The following ZHX2 variants were observed in gnomAD, a reference collection of about 807,000 sequenced individuals.
ZHX2 encodes the protein zinc fingers and homeoboxes protein 2.
Under a neutral mutation model 21.9 loss-of-function variants are expected in ZHX2, and 6 were observed. The observed-to-expected ratio is 0.27, with a 90% CI of 0.15 to 0.54. The LOEUF (loss-of-function observed/expected upper bound fraction) is 0.54, where lower values mean the gene tolerates loss of function less well. Ranked by LOEUF, ZHX2 falls within the 20% of genes least tolerant of loss-of-function variation. The probability of loss-of-function intolerance (pLI) is 0.95; values close to 1 mark genes in which losing one functional copy is unlikely to be tolerated. For missense variants in ZHX2, 908 were observed against 1,090.7 expected, an observed-to-expected ratio of 0.83 and a Z score of 2.36; for synonymous variants, 434 against 437.1, an observed-to-expected ratio of 0.99 and a Z score of 0.09.
intron 2 of ZHX2, among the ~76,000 whole-genome samples, chr8:122,888,728 C>T (rs935653608): frequency 2.6e-5 from 4 of 152,188 alleles, no homozygotes; most frequent in African/African-American, 9.7e-5. Context: ...GGTAATCTGC[C>T]CTCCTCGGCC....
chr8:122,954,421 C>T lies in ZHX2; in HGVS notation c.*4+393C>T, dbSNP rs564195809. On this transcript the variant is annotated intron_variant, in intron 3 of 3. Transcript: ENST00000314393. ...CTCCTGGGCCCAAGCGATCCTCCCC[C>T]CTCAGCTTATCAAGTAGCTGGGACT... is the stretch of plus-strand genomic sequence containing the variant. Among the ~76,000 whole-genome samples, 9 of 152,262 alleles carry T rather than the reference C, an allele frequency of 5.9e-5. No individual in the cohort carries two copies. In the South Asian group the frequency reaches 1.7e-3, roughly 28 times the overall value.
In ZHX2 at chr8:122,952,686, C is replaced by A. The variant is rs759167502; in HGVS notation, c.1176C>A (p.Pro392=). 8.1e-6 allele frequency: 13 copies of A among 1,614,030 alleles called. No individual in the cohort carries two copies. The African/African-American group carries it at 1.7e-4, about 22-fold the overall frequency. Residue 392 remains proline, a synonymous_variant, in exon 3 of 4, where the codon CCC becomes CCA. Coordinates refer to ENST00000314393, the MANE Select transcript of ZHX2 (RefSeq NM_014943.5). This position sits in a 1 kb window ranked among gnomAD's most constrained non-coding sequence, Gnocchi z 6.9. The part of the protein sequence containing the change: ...TSGSTTVSCS[P]ITLAVAGVTN... The stretch of plus-strand genomic sequence containing the variant: ...GGTCAACAACCGTCTCTTGCTCCCC[C>A]ATCACACTTGCCGTGGCAGGAGTCA...
At chr8:122,917,780 T>C (rs1056873714) in intron 2 of ZHX2, among the ~76,000 whole-genome samples, 9 of 152,200 alleles carry the variant, frequency 5.9e-5, no homozygotes, top group African/African-American at 2.2e-4. Context: ...AAATTCCAAA[T>C]GTGCCGTGAC....
At chr8:122,818,480 C>T (rs936959008) in intron 1 of ZHX2, among the ~76,000 whole-genome samples, 7 of 151,924 alleles carry the variant, frequency 4.6e-5, no homozygotes, top group Non-Finnish European at 7.4e-5. Context: ...ATGCTGGACC[C>T]GCTCCCTCCT....
At chr8:122,836,343 A>T (rs761691180) in intron 1 of ZHX2, among the ~76,000 whole-genome samples, 50 of 152,200 alleles carry the variant, frequency 3.3e-4, no homozygotes, top group Non-Finnish European at 6.3e-4. Flanking sequence ...ACAGAGAGGC[A>T]ACTGGAGGCT....
intron 2 of ZHX2, among the ~76,000 whole-genome samples, chr8:122,928,060 C>A (rs9792161): frequency 6.6e-6 from 1 of 151,892 alleles, no homozygotes; most frequent in Non-Finnish European, 1.5e-5. Flanking sequence ...GGCCCTAGGA[C>A]GCTTGCACTA....
intron 3 of ZHX2, among the ~76,000 whole-genome samples, chr8:122,955,839 A>ATTTTTTTTTTTTTTTTTTTTTTTTTT: frequency 9.5e-6 from 1 of 104,924 alleles, no homozygotes; most frequent in Non-Finnish European, 1.8e-5. Flanking sequence ...TGAGGGAGTG[A>ATTTTTTTTTTTTTTTTTTTTTTTTTT]TTTTTTTTTT....
chr8:122,924,931 C>T (rs971242010), intron 2 of ZHX2, among the ~76,000 whole-genome samples: 9 of 152,138 alleles, frequency 5.9e-5, no homozygotes. Context: ...GGAGAATTCA[C>T]AGGTCTCTCC....
intron 2 of ZHX2, among the ~76,000 whole-genome samples, chr8:122,884,951 T>C (rs1819804781): frequency 6.6e-6 from 1 of 152,164 alleles, no homozygotes; most frequent in Non-Finnish European, 1.5e-5. Context: ...CGGGGAGTGA[T>C]GTGATCTGAT....
chr8:122,946,366 T>C (rs571363483), intron 2 of ZHX2, among the ~76,000 whole-genome samples: 3 of 152,280 alleles, frequency 2.0e-5, no homozygotes, highest in Non-Finnish European at 2.9e-5. Context: ...AGAACCCTAA[T>C]AGATTCTCAA....
chr8:122,932,253 C>T (rs796684186), intron 2 of ZHX2, among the ~76,000 whole-genome samples: 5 of 152,262 alleles, frequency 3.3e-5, no homozygotes, highest in African/African-American at 1.2e-4. Context: ...GTATTAGTTT[C>T]CAATGGCTGC....
chr8:122,873,760 C>T (rs1819501641), intron 2 of ZHX2, among the ~76,000 whole-genome samples: 1 of 152,176 alleles, frequency 6.6e-6, no homozygotes, highest in South Asian at 2.1e-4. Context: ...AAAGTATTGA[C>T]AAAGTGTACT....
At chr8:122,801,585 CA>C (rs34318877) in intron 1 of ZHX2, among the ~76,000 whole-genome samples, 71,845 of 124,720 alleles carry the variant, frequency 0.58, 18,138 homozygotes, top group Admixed American at 0.62. Flanking sequence ...GCCATCTCTA[CA>C]AAAAAAAAAA....
chr8:122,935,492 C>A (rs1812661388), intron 2 of ZHX2, among the ~76,000 whole-genome samples: 1 of 150,712 alleles, frequency 6.6e-6, no homozygotes. Context: ...GCTGAGATAC[C>A]CTCTCCTCAG....
chr8:122,830,443 C>A (rs1262536874), intron 1 of ZHX2, among the ~76,000 whole-genome samples: 1 of 152,136 alleles, frequency 6.6e-6, no homozygotes, highest in African/African-American at 2.4e-5. Flanking sequence ...TCTTACATTC[C>A]TGTCTATTTG....
chr8:122,872,573 C>A (rs986284047), intron 2 of ZHX2, among the ~76,000 whole-genome samples: 2 of 152,162 alleles, frequency 1.3e-5, no homozygotes, highest in African/African-American at 4.8e-5. Flanking sequence ...CCCTAAGTGC[C>A]CTGGCCTAAC....
At chr8:122,869,597 C>G (rs1453540163) in intron 2 of ZHX2, among the ~76,000 whole-genome samples, 1 of 152,206 alleles carries the variant, frequency 6.6e-6, no homozygotes, top group Non-Finnish European at 1.5e-5. Flanking sequence ...GCCGGGAGGC[C>G]CAGGCAGGGG....
chr8:122,792,385 C>T (rs1286173535), intron 1 of ZHX2, among the ~76,000 whole-genome samples: 6 of 152,098 alleles, frequency 3.9e-5, no homozygotes, highest in African/African-American at 1.2e-4. Context: ...GATAGACAAT[C>T]GGGTTGTTTC....
intron 2 of ZHX2, among the ~76,000 whole-genome samples, chr8:122,928,146 C>T (rs902164063): frequency 1.3e-5 from 2 of 152,158 alleles, no homozygotes; most frequent in Non-Finnish European, 2.9e-5. Context: ...TCCATCTCCT[C>T]CATCTCATTT....
Sources: allele counts gnomAD v4.1 joint callset (sites outside exome capture counted in the v4.1 genomes callset), GRCh38; gene constraint gnomAD v4.1.1; non-coding constraint Gnocchi (gnomAD v3.1); transcripts MANE v1.5; gene names NCBI Gene and HGNC (gene_info 2026-07-23, HGNC 2026-07-21).